The following STK32B variants were observed in gnomAD, a reference collection of about 807,000 sequenced individuals.
STK32B encodes serine/threonine-protein kinase 32B.
In STK32B, 43 loss-of-function variants were observed where a neutral mutation model predicts 52.6. The ratio of observed to expected loss-of-function variants is 0.82; its 90% CI spans 0.64 to 1.05. STK32B has a LOEUF of 1.05. STK32B is among the 50% of genes least tolerant of loss of function. The pLI, the probability that STK32B is intolerant of heterozygous loss-of-function variation, is 0.00. For missense variants in STK32B, 621 were observed against 534.6 expected, an observed-to-expected ratio of 1.16 and a Z score of -1.59; for synonymous variants, 238 against 204.3, an observed-to-expected ratio of 1.17 and a Z score of -1.41.
chr4:5,061,409 C>T (rs1446847076), intron 1 of STK32B, among the ~76,000 whole-genome samples: 1 of 152,150 alleles, frequency 6.6e-6, no homozygotes, highest in African/African-American at 2.4e-5. Context: ...TAACCAAGTT[C>T]ATTTGGAAGG....
chr4:5,446,795 C>G lies in STK32B; in HGVS notation c.666+19C>G, dbSNP rs767783801. ...GGGCTGGGTAAGACAGGCACCTGTG[C>G]GGTACACACGAGGGGCTGTGCAGTG... On this transcript the variant is annotated intron_variant, in intron 7 of 11. Coordinates refer to ENST00000282908, the MANE Select transcript of STK32B (RefSeq NM_018401.3). 3 of 1,611,242 alleles carry G rather than the reference C, an allele frequency of 1.9e-6. No individual in the cohort carries two copies. In the Admixed American group the frequency reaches 5.0e-5, roughly 27 times the overall value.
rs574994266 is a variant in STK32B, at chr4:5,453,051, C to A, written c.667-3756C>A. Among the ~76,000 whole-genome samples, 4 of 152,076 alleles carry A rather than the reference C, an allele frequency of 2.6e-5. No individual in the cohort carries two copies. Among genetic ancestry groups the A allele is most frequent in the Admixed American group, 1.3e-4 (2 of 15,272 alleles). The stretch of plus-strand genomic sequence containing the variant: ...TCTCTACAACCACTCAAACAGATGA[C>A]GGCTGAACCTGGTGCCTAAAGCTGT... On this transcript the variant is annotated intron_variant, in intron 7 of 11. Coordinates refer to ENST00000282908, the MANE Select transcript of STK32B (RefSeq NM_018401.3). The surrounding 1 kb of genome is among the most constrained non-coding windows in gnomAD (Gnocchi z 4.0).
chr4:5,103,832 A>G (rs1474557183), intron 1 of STK32B, among the ~76,000 whole-genome samples: 3 of 152,166 alleles, frequency 2.0e-5, no homozygotes, highest in African/African-American at 4.8e-5. Context: ...ATGGTATCTC[A>G]TTACATATTT....
chr4:5,042,107 A>G, the STK32B span, among the ~76,000 whole-genome samples: 6 of 152,224 alleles, frequency 3.9e-5, no homozygotes, highest in African/African-American at 1.4e-4. Flanking sequence ...GTTCTCAGCA[A>G]GAGGAATAGC....
intron 4 of STK32B, among the ~76,000 whole-genome samples, chr4:5,359,035 C>G (rs1295101195): frequency 3.3e-5 from 5 of 152,156 alleles, no homozygotes; most frequent in Non-Finnish European, 5.9e-5. Flanking sequence ...CATTGATCAG[C>G]AAATGTTCTA....
intron 3 of STK32B, among the ~76,000 whole-genome samples, chr4:5,220,225 C>G (rs1303615022): frequency 1.3e-5 from 2 of 152,188 alleles, no homozygotes; most frequent in Admixed American, 1.3e-4. Context: ...GCATTCACTC[C>G]GCTTTACCCA....
At chr4:5,220,867 C>G (rs1427798751) in intron 3 of STK32B, among the ~76,000 whole-genome samples, 3 of 152,106 alleles carry the variant, frequency 2.0e-5, no homozygotes, top group Non-Finnish European at 4.4e-5. Flanking sequence ...ATCATTTTCT[C>G]CCTCTCCTCT....
chr4:5,247,332 A>G (rs1305785182), intron 3 of STK32B, among the ~76,000 whole-genome samples: 1 of 152,216 alleles, frequency 6.6e-6, no homozygotes, highest in Non-Finnish European at 1.5e-5. Context: ...CTGCTGTGCT[A>G]GCAATGAGCG....
chr4:5,340,654 T>C (rs544054687), intron 4 of STK32B, among the ~76,000 whole-genome samples: 1 of 152,242 alleles, frequency 6.6e-6, no homozygotes. Context: ...GTATCCAGAG[T>C]ATACAAAACT....
chr4:5,317,494 TATATA>T (rs1450732489), intron 3 of STK32B, among the ~76,000 whole-genome samples: 3 of 78,874 alleles, frequency 3.8e-5, no homozygotes, highest in African/African-American at 2.0e-4. Context: ...ATATATATAA[TATATA>T]TTATATATGT....
rs543312584 is a variant in STK32B at position 5,290,238 on chromosome 4, TCGA to T, written c.261-40979_261-40977del. The stretch of plus-strand genomic sequence containing the variant: ...ATGTTTTACTTTCTTCAATAATAAA[TCGA>T]CGTTAGTATACTGTAACATTTTTAA... On this transcript the variant is annotated intron_variant, in intron 3 of 11. Coordinates refer to ENST00000282908, the MANE Select transcript of STK32B (RefSeq NM_018401.3). 3.3e-3 allele frequency among the ~76,000 whole-genome samples: 496 copies of T among 152,328 alleles called. 3 individuals carry two copies. The highest frequency in any genetic ancestry group is 0.011 in the African/African-American group (474 of 41,576).
chr4:5,162,587 A>G (rs977000394), intron 2 of STK32B, among the ~76,000 whole-genome samples: 1 of 152,218 alleles, frequency 6.6e-6, no homozygotes, highest in South Asian at 2.1e-4. Flanking sequence ...TATTTGTCCC[A>G]TTAAGTTGTA....
At chr4:5,235,639 C>T (rs1280048818) in intron 3 of STK32B, among the ~76,000 whole-genome samples, 2 of 151,720 alleles carry the variant, frequency 1.3e-5, no homozygotes, top group Non-Finnish European at 2.9e-5. Context: ...ATCCAAGTTA[C>T]ACCATGACTT....
At position 5,296,444 on chromosome 4, in the gene STK32B, T is replaced by C. The variant is rs191373497; in HGVS notation, c.261-34776T>C. Among the ~76,000 whole-genome samples, 1,028 of 152,352 alleles carry C rather than the reference T, an allele frequency of 6.7e-3. 15 individuals are homozygous for C. Among genetic ancestry groups the C allele is most frequent in the African/African-American group, 0.024 (989 of 41,580 alleles). Reference sequence around the variant, plus strand: ...GAACTTGCTTTATGAATCTGGGTGCTCCTGTATTGGGTGCATATATATTTA... The same window carrying C: ...GAACTTGCTTTATGAATCTGGGTGCCCCTGTATTGGGTGCATATATATTTA... On this transcript the variant is annotated intron_variant, in intron 3 of 11. Coordinates refer to ENST00000282908, the MANE Select transcript of STK32B (RefSeq NM_018401.3).
chr4:5,495,930 T>C lies in STK32B; in HGVS notation c.1107-3015T>C, dbSNP rs553494936. On this transcript the variant is annotated intron_variant, in intron 11 of 11. Transcript: ENST00000282908. The stretch of plus-strand genomic sequence containing the variant: ...GCGAATGCTGCTCTCTGATCGTTCC[T>C]CTGGAAATTTTGTCTCAGTGGAGTA... 2.6e-5 allele frequency among the ~76,000 whole-genome samples: 4 copies of C among 152,288 alleles called. No homozygotes were observed. In the East Asian group the frequency reaches 7.7e-4, roughly 29 times the overall value.
chr4:5,213,509 AGAAGT>A (rs1723019672), intron 3 of STK32B, among the ~76,000 whole-genome samples: 1 of 152,244 alleles, frequency 6.6e-6, no homozygotes, highest in African/African-American at 2.4e-5. Flanking sequence ...AAATAAGACT[AGAAGT>A]GAAGCAGATA....
intron 6 of STK32B, among the ~76,000 whole-genome samples, chr4:5,444,677 A>G (rs994684833): frequency 6.6e-6 from 1 of 152,242 alleles, no homozygotes; most frequent in Non-Finnish European, 1.5e-5. Context: ...GTAATGCCTA[A>G]TGTTCATGGA....
intron 1 of STK32B, among the ~76,000 whole-genome samples, chr4:5,108,988 A>T (rs761419020): frequency 2.0e-5 from 3 of 152,140 alleles, no homozygotes; most frequent in Non-Finnish European, 4.4e-5. Context: ...ACAAGGCTGC[A>T]CTCTGTTACT....
At chr4:5,061,532 G>A (rs1190148062) in intron 1 of STK32B, among the ~76,000 whole-genome samples, 1 of 152,166 alleles carries the variant, frequency 6.6e-6, no homozygotes, top group Non-Finnish European at 1.5e-5. Flanking sequence ...AAAATTGCAT[G>A]CTGGGTATTA....
Sources: allele counts gnomAD v4.1 joint callset (sites outside exome capture counted in the v4.1 genomes callset), GRCh38; gene constraint gnomAD v4.1.1; non-coding constraint Gnocchi (gnomAD v3.1); transcripts MANE v1.5; gene names NCBI Gene and HGNC (gene_info 2026-07-23, HGNC 2026-07-21).